Variants in TRMT11 observed in about 807,000 individuals in gnomAD.
The protein encoded by TRMT11 is tRNA (guanine(10)-N(2))-methyltransferase TRMT11.
TRMT11 carries 53 observed loss-of-function variants against 62.8 expected under a neutral mutation model. That is an observed-to-expected ratio of 0.84 (90% CI 0.68 to 1.06). The LOEUF is 1.06. TRMT11 is among the 50% of genes least tolerant of loss of function. TRMT11 has a pLI of 0.00. For missense variants in TRMT11, 556 were observed against 553.4 expected, an observed-to-expected ratio of 1.00 and a Z score of -0.05; for synonymous variants, 188 against 190.3, an observed-to-expected ratio of 0.99 and a Z score of 0.10.
chr6:126,021,139 A>C (rs369663763), intron 11 of TRMT11, 21 bp from the exon 12 acceptor site: 52 of 1,613,528 alleles, frequency 3.2e-5, no homozygotes, highest in Admixed American at 6.7e-5. Context: ...TGTTCCTAAC[A>C]GTCAGCTGTT....
chr6:126,038,802 G>T lies in TRMT11; in HGVS notation c.1358G>T (p.Arg453Ile), dbSNP rs941539347. ...REKYFSGVTK[R>I]IAKEEKSTQE ...AAATATTTTAGTGGGGTAACAAAAA[G>T]AATTGCCAAGGAAGAAAAATCCACC... Residue 453 changes from arginine to isoleucine, a missense_variant, in exon 13 of 13, where the codon AGA becomes ATA. Transcript: ENST00000334379. 6.2e-7 allele frequency: 1 copy of T among 1,601,198 alleles called. No homozygotes were observed. The highest frequency in any genetic ancestry group is 8.5e-7 in the Non-Finnish European group (1 of 1,175,026).
At chr6:126,163,949 A>G (rs1267847586) in intron 21 of TRMT11, among the ~76,000 whole-genome samples, 1 of 152,122 alleles carries the variant, frequency 6.6e-6, no homozygotes, top group Non-Finnish European at 1.5e-5. Context: ...GATTTTTCGA[A>G]GGGTTTTTCA....
At chr6:126,043,096 A>G (rs1343479506), downstream of TRMT11, among the ~76,000 whole-genome samples, 2 of 151,316 alleles carry the variant, frequency 1.3e-5, no homozygotes, top group East Asian at 3.9e-4. Flanking sequence ...GTACATGTGC[A>G]TAATGTGCAG....
At chr6:126,048,909 A>G (rs1249710657) in intron 16 of TRMT11, among the ~76,000 whole-genome samples, 2 of 152,172 alleles carry the variant, frequency 1.3e-5, no homozygotes, top group Non-Finnish European at 2.9e-5. Context: ...CAGTGCAATC[A>G]TTTGACTCCA....
chr6:126,122,966 A>T (rs1777667255), intron 21 of TRMT11, among the ~76,000 whole-genome samples: 1 of 152,110 alleles, frequency 6.6e-6, no homozygotes, highest in African/African-American at 2.4e-5. Context: ...TTAAATAATT[A>T]AAGCATAACT....
chr6:126,240,981 G>T, the TRMT11 span, among the ~76,000 whole-genome samples: 1 of 152,246 alleles, frequency 6.6e-6, no homozygotes, highest in Non-Finnish European at 1.5e-5. Flanking sequence ...AATGAGCGAG[G>T]CTCCGTGGGC....
At chr6:126,238,759 A>G in the TRMT11 span, among the ~76,000 whole-genome samples, 1 of 152,100 alleles carries the variant, frequency 6.6e-6, no homozygotes, top group African/African-American at 2.4e-5. Flanking sequence ...CAATTTCTGG[A>G]TATCCTTGTT....
chr6:126,055,548 C>T (rs1363799092), intron 17 of TRMT11, among the ~76,000 whole-genome samples: 4 of 152,126 alleles, frequency 2.6e-5, no homozygotes, highest in African/African-American at 9.7e-5. Flanking sequence ...AACTCTGGCA[C>T]TTAAAAATAA....
At chr6:126,165,614 C>T (rs994044324) in intron 21 of TRMT11, among the ~76,000 whole-genome samples, 9 of 152,202 alleles carry the variant, frequency 5.9e-5, no homozygotes, top group African/African-American at 2.2e-4. Flanking sequence ...TTGGTCCCCA[C>T]TCTCTTCTGG....
chr6:126,192,340 G>A (rs1435808491), intron 1 of TRMT11, among the ~76,000 whole-genome samples: 2 of 151,990 alleles, frequency 1.3e-5, no homozygotes, highest in African/African-American at 4.8e-5. Flanking sequence ...GAGTTTTTTG[G>A]TGAAGGCTTT....
intron 21 of TRMT11, among the ~76,000 whole-genome samples, chr6:126,134,279 A>G (rs1777824971): frequency 6.6e-6 from 1 of 152,068 alleles, no homozygotes; most frequent in African/African-American, 2.4e-5. Context: ...AAAGACATAC[A>G]TAGACTGAAA....
At chr6:126,093,615 A>ATATATATATATATATATATG (rs1777303756) in intron 17 of TRMT11, among the ~76,000 whole-genome samples, 1 of 89,168 alleles carries the variant, frequency 1.1e-5, no homozygotes, top group South Asian at 2.8e-4. Context: ...ATATATATAT[A>ATATATATATATATATATATG]TATATATATA....
upstream of TRMT11, among the ~76,000 whole-genome samples, chr6:126,174,877 G>C (rs978838689): frequency 6.6e-6 from 1 of 152,112 alleles, no homozygotes; most frequent in African/African-American, 2.4e-5. Flanking sequence ...AGAGTGAGTC[G>C]CAAAAAGAGA....
chr6:126,196,973 C>CA (rs999413272), intron 1 of TRMT11, among the ~76,000 whole-genome samples: 9 of 151,620 alleles, frequency 5.9e-5, no homozygotes, highest in Non-Finnish European at 1.0e-4. Context: ...CATAGTTTCT[C>CA]AAAAAAAATG....
chr6:126,009,624 G>A (rs1793886987), intron 8 of TRMT11, among the ~76,000 whole-genome samples: 2 of 151,820 alleles, frequency 1.3e-5, no homozygotes, highest in Non-Finnish European at 1.5e-5. Context: ...TTGTACTGGT[G>A]ACCTGTCTTT....
At chr6:126,167,678 G>A (rs2128233630) in intron 21 of TRMT11, among the ~76,000 whole-genome samples, 1 of 152,322 alleles carries the variant, frequency 6.6e-6, no homozygotes, top group East Asian at 1.9e-4. Flanking sequence ...GCTCTTATGT[G>A]TGTGTATATG....
chr6:126,216,613 A>C, the TRMT11 span, among the ~76,000 whole-genome samples: 1 of 152,134 alleles, frequency 6.6e-6, no homozygotes, highest in East Asian at 1.9e-4. Flanking sequence ...TGCCAGACAT[A>C]TTGGTGCTCC....
At chr6:126,229,400 T>C in the TRMT11 span, among the ~76,000 whole-genome samples, 1 of 152,226 alleles carries the variant, frequency 6.6e-6, no homozygotes, top group African/African-American at 2.4e-5. Context: ...ACATCTAACT[T>C]TAACTCCTAC....
chr6:126,208,848 A>G, the TRMT11 span, among the ~76,000 whole-genome samples: 1 of 152,262 alleles, frequency 6.6e-6, no homozygotes, highest in Non-Finnish European at 1.5e-5. Context: ...TGAACAACAA[A>G]TAGCTATTGA....
Sources: allele counts gnomAD v4.1 joint callset (sites outside exome capture counted in the v4.1 genomes callset), GRCh38; gene constraint gnomAD v4.1.1; transcripts MANE v1.5; gene names NCBI Gene and HGNC (gene_info 2026-07-23, HGNC 2026-07-21).